The following RCAN2 variants were observed in gnomAD, a reference collection of about 807,000 sequenced individuals.
RCAN2 encodes the protein regulator of calcineurin 2, also known as calcipressin-2.
In RCAN2, 9 loss-of-function variants were observed where a neutral mutation model predicts 23.6. The ratio of observed to expected loss-of-function variants is 0.38; its 90% confidence interval spans 0.23 to 0.67. The LOEUF (loss-of-function observed/expected upper bound fraction) is 0.67, where lower values mean the gene tolerates loss of function less well. Among genes scored for constraint, RCAN2 ranks in the 30% least tolerant of loss-of-function variants. The pLI, the probability that RCAN2 is intolerant of heterozygous loss-of-function variation, is 0.51. For missense variants in RCAN2, 273 were observed against 302.3 expected, an observed-to-expected ratio of 0.90 and a Z score of 0.72; for synonymous variants, 109 against 115.7, an observed-to-expected ratio of 0.94 and a Z score of 0.37.
intron 2 of RCAN2, among the ~76,000 whole-genome samples, chr6:46,414,942 G>A (rs1420446304): frequency 6.6e-6 from 1 of 152,206 alleles, no homozygotes; most frequent in African/African-American, 2.4e-5. Flanking sequence ...GAAGTGAAGA[G>A]AATGTGCCTA....
chr6:46,318,286 T>A (rs1210928634), intron 2 of RCAN2, among the ~76,000 whole-genome samples: 2 of 152,142 alleles, frequency 1.3e-5, no homozygotes, highest in African/African-American at 4.8e-5. Context: ...TTATTGAAGA[T>A]GTTGTTTTAG....
At chr6:46,250,234 A>G (rs1295989535) in intron 2 of RCAN2, among the ~76,000 whole-genome samples, 1 of 152,220 alleles carries the variant, frequency 6.6e-6, no homozygotes, top group Non-Finnish European at 1.5e-5. Flanking sequence ...TAGAGAATTA[A>G]AAAAGAAAAA....
chr6:46,409,971 G>A (rs1241707622), intron 2 of RCAN2, among the ~76,000 whole-genome samples: 3 of 152,086 alleles, frequency 2.0e-5, no homozygotes, highest in Non-Finnish European at 4.4e-5. Flanking sequence ...ATCAGCTGGA[G>A]GTCAGACAGA....
intron 2 of RCAN2, among the ~76,000 whole-genome samples, chr6:46,285,644 A>G (rs1762351753): frequency 6.6e-6 from 1 of 152,008 alleles, no homozygotes; most frequent in Non-Finnish European, 1.5e-5. Context: ...TTCCCTACCT[A>G]CTTTTCCTTT....
At chr6:46,313,177 C>A (rs1763320495) in intron 2 of RCAN2, among the ~76,000 whole-genome samples, 1 of 152,192 alleles carries the variant, frequency 6.6e-6, no homozygotes, top group African/African-American at 2.4e-5. Context: ...TGGGTTACCT[C>A]CTTGGGGTAG....
chr6:46,307,334 G>A (rs1475550532), intron 2 of RCAN2, among the ~76,000 whole-genome samples: 2 of 152,096 alleles, frequency 1.3e-5, no homozygotes, highest in Non-Finnish European at 2.9e-5. Context: ...CAGATGAGGG[G>A]TGTATGTGCC....
chr6:46,257,378 A>G (rs1766953431), intron 2 of RCAN2, among the ~76,000 whole-genome samples: 1 of 152,158 alleles, frequency 6.6e-6, no homozygotes, highest in Non-Finnish European at 1.5e-5. Context: ...AACCCAGTGT[A>G]TTAGTCCATT....
At chr6:46,325,331 A>G in intron 2 of RCAN2, 1 of 1,589,214 alleles carries the variant, frequency 6.3e-7, no homozygotes, top group Non-Finnish European at 8.6e-7. Context: ...TTCATGCTAA[A>G]AAGGCTCTGC....
intron 2 of RCAN2, among the ~76,000 whole-genome samples, chr6:46,255,117 G>A (rs1366849384): frequency 6.6e-6 from 1 of 152,180 alleles, no homozygotes; most frequent in East Asian, 1.9e-4. Context: ...AATATAGGCA[G>A]CCTTGCAGAC....
chr6:46,273,518 T>C (rs941199890), intron 2 of RCAN2, among the ~76,000 whole-genome samples: 1 of 152,192 alleles, frequency 6.6e-6, no homozygotes, highest in Admixed American at 6.5e-5. Context: ...AAATATGACT[T>C]AAGGAGCTTA....
intron 4 of RCAN2, among the ~76,000 whole-genome samples, chr6:46,224,271 C>T (rs1402517624): frequency 3.3e-5 from 5 of 152,186 alleles, no homozygotes; most frequent in African/African-American, 1.2e-4. Context: ...ACATACTAAT[C>T]TTAATCCTCT....
At chr6:46,476,211 C>A (rs1004092808) in intron 1 of RCAN2, among the ~76,000 whole-genome samples, 2 of 152,160 alleles carry the variant, frequency 1.3e-5, no homozygotes, top group African/African-American at 2.4e-5. Context: ...GCTAGCACAG[C>A]AGAATCAGAA....
chr6:46,417,637 T>C (rs1400809528), intron 2 of RCAN2, among the ~76,000 whole-genome samples: 1 of 152,204 alleles, frequency 6.6e-6, no homozygotes, highest in Non-Finnish European at 1.5e-5. Context: ...ATACAGGAGC[T>C]GGGGTAAAAC....
chr6:46,274,525 T>A lies in RCAN2; in HGVS notation c.226-25629A>T, dbSNP rs183264389. ...GTATGCTGATGTAGGTCTCTGAGTA[T>A]GGGCTCTGCATCCCCCCGCCCCATC... On this transcript the variant is annotated intron_variant, in intron 2 of 4. Transcript: ENST00000371374. 1.5e-3 allele frequency among the ~76,000 whole-genome samples: 224 copies of A among 152,272 alleles called. 1 individual carries two copies. Among genetic ancestry groups the A allele is most frequent in the Non-Finnish European group, 1.9e-3 (126 of 68,016 alleles).
chr6:46,467,360 G>A (rs1296608599), intron 1 of RCAN2, among the ~76,000 whole-genome samples: 1 of 152,114 alleles, frequency 6.6e-6, no homozygotes, highest in Non-Finnish European at 1.5e-5. Context: ...GATGACAGGA[G>A]TATATGCCTT....
At chr6:46,474,922 T>A (rs985449704) in intron 1 of RCAN2, among the ~76,000 whole-genome samples, 2 of 152,224 alleles carry the variant, frequency 1.3e-5, no homozygotes, top group African/African-American at 4.8e-5. Context: ...TTTTTCTAGG[T>A]GAACATTGTC....
intron 4 of RCAN2, among the ~76,000 whole-genome samples, chr6:46,240,517 C>T (rs191323543): frequency 2.5e-4 from 38 of 152,288 alleles, no homozygotes; most frequent in Admixed American, 1.1e-3. Flanking sequence ...GCTCCAGGAT[C>T]CCAATCTGAG....
chr6:46,346,357 C>T (rs553802536), intron 2 of RCAN2, among the ~76,000 whole-genome samples: 3 of 152,218 alleles, frequency 2.0e-5, no homozygotes, highest in African/African-American at 7.2e-5. Flanking sequence ...CTTCCCAACT[C>T]ATTTTATAAG....
In RCAN2 at chr6:46,340,464, G is replaced by A. The variant is rs553974002; in HGVS notation, c.226-91568C>T. Among the ~76,000 whole-genome samples, 7 of 152,240 alleles carry A rather than the reference G, an allele frequency of 4.6e-5. No individual in the cohort carries two copies. The South Asian group carries it at 1.5e-3, about 32-fold the overall frequency. On this transcript the variant is annotated intron_variant, in intron 2 of 4. Transcript: ENST00000371374. Reference sequence around the variant, plus strand: ...GTGACTGAGTTCTGGCCAATGGAGTGGGAGCAGAAAACAATTCATGCTACT... The same window carrying A: ...GTGACTGAGTTCTGGCCAATGGAGTAGGAGCAGAAAACAATTCATGCTACT...
Sources: gnomAD v4.1 joint callset for allele counts (sites outside exome capture counted in the v4.1 genomes callset) on GRCh38, gnomAD v4.1.1 for gene constraint, MANE v1.5 for transcripts, NCBI Gene and HGNC (gene_info 2026-07-23, HGNC 2026-07-21) for gene names.